SOD2: variants seen among roughly 807,000 people sequenced by gnomAD.
SOD2 encodes the protein superoxide dismutase [Mn], mitochondrial.
SOD2 carries 11 observed loss-of-function variants against 27.0 expected under a neutral mutation model. That is an observed-to-expected ratio of 0.41 (90% CI 0.26 to 0.67). The LOEUF is 0.67. Among genes scored for constraint, SOD2 ranks in the 30% least tolerant of loss-of-function variants. The probability of loss-of-function intolerance (pLI) is 0.34; values close to 1 mark genes in which losing one functional copy is unlikely to be tolerated. For missense variants in SOD2, 250 were observed against 274.5 expected (o/e 0.91, Z 0.63); for synonymous variants, 105 against 103.0 (o/e 1.02, Z -0.12).
In SOD2 at chr6:159,712,160, A is replaced by T. The variant is rs756693488; in HGVS notation, c.-116+14969T>A. 9.5e-4 allele frequency among the ~76,000 whole-genome samples: 78 copies of T among 82,394 alleles called. 23 individuals carry two copies. The highest frequency in any genetic ancestry group is 6.7e-3 in the Admixed American group (48 of 7,200). 54.1% of individuals were successfully genotyped at this position (82,394 alleles called of 152,430 possible). ...CCATAACCACCACTCAGCTGCTCTG[A>T]CCACCATAACCACCTCCACAACCAC... On this transcript the variant is annotated intron_variant, in intron 1 of 2. Coordinates refer to the SOD2 transcript ENST00000401980.
chr6:159,740,355 TAAC>T (rs1779178210), intron 1 of SOD2, among the ~76,000 whole-genome samples: 1 of 152,240 alleles, frequency 6.6e-6, no homozygotes, highest in African/African-American at 2.4e-5. Flanking sequence ...GAGGTCAGTT[TAAC>T]ATCTTTCCTT....
rs765773154 is a variant in SOD2, at chr6:159,688,276, A to G, written c.227-34T>C. 5 of 1,296,870 alleles carry G rather than the reference A, an allele frequency of 3.9e-6. No homozygotes were observed. In the African/African-American group the frequency reaches 7.3e-5, roughly 19 times the overall value. The allele number at this position is 1,296,870 out of a possible 1,614,324, so 80.3% of individuals were successfully genotyped here. The stretch of plus-strand genomic sequence containing the variant: ...TTAAAATGCAAACACATTTTTTTGT[A>G]ACTCCTACTTTTTCAACCACTGTAT... On this transcript the variant is annotated intron_variant, in intron 2 of 4. Coordinates refer to ENST00000538183, the MANE Select transcript of SOD2 (RefSeq NM_000636.4).
chr6:159,745,716 C>T (rs1017264099), upstream of SOD2, among the ~76,000 whole-genome samples: 4 of 152,136 alleles, frequency 2.6e-5, no homozygotes, highest in African/African-American at 9.7e-5. Context: ...TTTAGATTTA[C>T]ATTTTAGGTA....
At chr6:159,749,880 CA>C (rs1779758679), upstream of SOD2, among the ~76,000 whole-genome samples, 1 of 152,118 alleles carries the variant, frequency 6.6e-6, no homozygotes. Context: ...TATAAGTCAC[CA>C]ATTCAAATTT....
chr6:159,710,170 G>C (rs754863990), intron 1 of SOD2, among the ~76,000 whole-genome samples: 2 of 151,344 alleles, frequency 1.3e-5, no homozygotes, highest in Admixed American at 1.3e-4. Context: ...TGTAAATGTC[G>C]AGTTAATGGG....
intron 1 of SOD2, among the ~76,000 whole-genome samples, chr6:159,752,061 T>C (rs796809565): frequency 1.6e-4 from 21 of 128,434 alleles, no homozygotes; most frequent in African/African-American, 6.2e-4. Flanking sequence ...GACCCCCATC[T>C]CAAAAAAAAA....
chr6:159,707,365 A>G (rs2758355), intron 1 of SOD2, among the ~76,000 whole-genome samples: 119,177 of 152,066 alleles, frequency 0.78, 46,966 homozygotes, highest in South Asian at 0.85. Flanking sequence ...TTGATAGACC[A>G]CTAGCAAGAC....
At chr6:159,688,071 A>C (rs1018534449) in intron 3 of SOD2, 55 bp downstream of exon 3, 1 of 956,992 alleles carries the variant, frequency 1.0e-6, no homozygotes, top group Non-Finnish European at 1.7e-6. Flanking sequence ...GTAAATCAAC[A>C]ATCGATTCCT....
At chr6:159,718,636 A>T (rs966372949) in intron 1 of SOD2, among the ~76,000 whole-genome samples, 1 of 152,246 alleles carries the variant, frequency 6.6e-6, no homozygotes, top group Admixed American at 6.5e-5. Context: ...TGCTGCTCAC[A>T]GTAAAATCTT....
rs1779658347 is a variant in SOD2 at position 159,671,411 on chromosome 6, C to A, written c.*11082G>T. On this transcript the variant is annotated 3_prime_UTR_variant, in exon 5 of 5. Coordinates refer to ENST00000538183, the MANE Select transcript of SOD2 (RefSeq NM_000636.4). Reference sequence around the variant, plus strand: ...GAGATGAAGCTTCCAGAGGAATGATCAGGCAGCAACATTTGCTGTTCAGCA... The same window carrying A: ...GAGATGAAGCTTCCAGAGGAATGATAAGGCAGCAACATTTGCTGTTCAGCA... 6.6e-6 allele frequency: 1 copy of A among 152,292 alleles called. No homozygotes were observed. Among genetic ancestry groups the A allele is most frequent in the South Asian group, 2.1e-4 (1 of 4,832 alleles). The allele number at this position is 152,292 out of a possible 1,614,324, so 9.4% of individuals were successfully genotyped here. A position where few individuals can be genotyped will look rare whatever the true frequency, so the allele number is the denominator to read the frequency against.
upstream of SOD2, among the ~76,000 whole-genome samples, chr6:159,730,337 T>C (rs1778490305): frequency 6.6e-6 from 1 of 152,248 alleles, no homozygotes; most frequent in Admixed American, 6.5e-5. Context: ...ATGGTCATTC[T>C]GTTTTTCTGA....
intron 1 of SOD2, among the ~76,000 whole-genome samples, chr6:159,751,621 T>C (rs140579302): frequency 5.9e-5 from 9 of 152,340 alleles, no homozygotes; most frequent in Non-Finnish European, 1.0e-4. Context: ...AATAAAGTTA[T>C]CATATCAAAG....
rs1035131443 is a variant in SOD2, at chr6:159,675,311, CA to C, written c.*7181del. The C allele has an allele frequency of 6.5e-4, 99 of 152,140 alleles. No individual in the cohort carries two copies. The highest frequency in any genetic ancestry group is 2.1e-3 in the African/African-American group (87 of 41,428). 9.4% of individuals were successfully genotyped at this position (152,140 alleles called of 1,614,324 possible). A position where few individuals can be genotyped will look rare whatever the true frequency, so the allele number is the denominator to read the frequency against. On this transcript the variant is annotated 3_prime_UTR_variant, in exon 5 of 5. Transcript: ENST00000538183. ...CCAAAACGATCCTAAGCCAAAAGAA[CA>C]AAGCTGGAGGCATCACGCTACCTGA...
chr6:159,720,847 CTTT>C (rs763455003), intron 1 of SOD2, among the ~76,000 whole-genome samples: 2 of 59,946 alleles, frequency 3.3e-5, no homozygotes, highest in South Asian at 9.1e-4. Flanking sequence ...TTTTCTTTAC[CTTT>C]TTTTTTTTTT....
Position 159,677,014 on chromosome 6 carries a change from G to A in SOD2, c.*5479C>T, listed in dbSNP as rs1779794704. 6.6e-6 allele frequency: 1 copy of A among 152,182 alleles called. No individual in the cohort carries two copies. Among genetic ancestry groups the A allele is most frequent in the African/African-American group, 2.4e-5 (1 of 41,426 alleles). 9.4% of individuals were successfully genotyped at this position (152,182 alleles called of 1,614,324 possible). The stretch of plus-strand genomic sequence containing the variant: ...TCAAACCTCTCTGTGGATATGCTGT[G>A]TTAACTTCTGAGCCTTGGGGATACC... On this transcript the variant is annotated 3_prime_UTR_variant, in exon 5 of 5. Coordinates refer to ENST00000538183, the MANE Select transcript of SOD2 (RefSeq NM_000636.4).
chr6:159,756,265 A>T (rs1780009587), intron 1 of SOD2: 1 of 152,704 alleles, frequency 6.5e-6, no homozygotes, highest in Non-Finnish European at 1.5e-5. Context: ...TGACTCCAGT[A>T]TATCTTACCT....
chr6:159,701,736 G>A (rs892969747), intron 1 of SOD2, among the ~76,000 whole-genome samples: 3 of 152,146 alleles, frequency 2.0e-5, no homozygotes, highest in African/African-American at 7.2e-5. Context: ...TCAGTGCTAT[G>A]GTAGAATCTC....
At chr6:159,731,638 G>T (rs1475639025), upstream of SOD2, among the ~76,000 whole-genome samples, 2 of 152,184 alleles carry the variant, frequency 1.3e-5, no homozygotes, top group African/African-American at 2.4e-5. Flanking sequence ...CACTGAGTCT[G>T]TGTTTTTGAT....
At chr6:159,704,993 C>T (rs1197490416) in intron 1 of SOD2, among the ~76,000 whole-genome samples, 1 of 152,234 alleles carries the variant, frequency 6.6e-6, no homozygotes, top group Non-Finnish European at 1.5e-5. Flanking sequence ...GCAGCCTCCA[C>T]TGCTGATTCC....
Sources: allele counts gnomAD v4.1 joint callset (sites outside exome capture counted in the v4.1 genomes callset), GRCh38; gene constraint gnomAD v4.1.1; transcripts MANE v1.5; gene names NCBI Gene and HGNC (gene_info 2026-07-23, HGNC 2026-07-21).